MBNL2: variants seen among roughly 807,000 people sequenced by gnomAD.
MBNL2 encodes the protein muscleblind-like protein 2.
In MBNL2, 17 loss-of-function variants were observed where a neutral mutation model predicts 41.9. The ratio of observed to expected loss-of-function variants is 0.41; its 90% confidence interval spans 0.28 to 0.61. The LOEUF (loss-of-function observed/expected upper bound fraction) is 0.61. MBNL2 is among the 20% of genes least tolerant of loss of function. The pLI, the probability that MBNL2 is intolerant of heterozygous loss-of-function variation, is 0.35. For synonymous variants in MBNL2, 195 were observed against 182.9 expected (o/e 1.07, Z -0.53); for missense variants, 336 against 505.6 (o/e 0.66, Z 3.22).
At chr13:97,213,135 G>A in the MBNL2 span, among the ~76,000 whole-genome samples, 1 of 152,184 alleles carries the variant, frequency 6.6e-6, no homozygotes, top group South Asian at 2.1e-4. Context: ...GTAAAGCTAA[G>A]GACCTCAGTC....
the MBNL2 span, among the ~76,000 whole-genome samples, chr13:97,204,272 C>T: frequency 6.6e-6 from 1 of 152,180 alleles, no homozygotes; most frequent in Non-Finnish European, 1.5e-5. Flanking sequence ...GCAGGTGAGG[C>T]GAGGGCTGGG....
chr13:97,194,485 G>T, the MBNL2 span, among the ~76,000 whole-genome samples: 2 of 152,260 alleles, frequency 1.3e-5, no homozygotes, highest in Non-Finnish European at 1.5e-5. Flanking sequence ...ACATCTCTTT[G>T]TATAATCCTG....
chr13:97,292,630 A>G (rs975435600), intron 2 of MBNL2, among the ~76,000 whole-genome samples: 3 of 152,138 alleles, frequency 2.0e-5, no homozygotes, highest in African/African-American at 7.2e-5. Context: ...CATGAAGTTT[A>G]AGCCCACTTC....
chr13:97,330,629 CAA>C (rs1299062355), intron 2 of MBNL2, among the ~76,000 whole-genome samples: 1 of 152,190 alleles, frequency 6.6e-6, no homozygotes, highest in Non-Finnish European at 1.5e-5. Context: ...CAATGATACA[CAA>C]AGACGCTTTA....
At chr13:97,219,722 C>A (rs1177745767), upstream of MBNL2, among the ~76,000 whole-genome samples, 1 of 152,182 alleles carries the variant, frequency 6.6e-6, no homozygotes, top group Non-Finnish European at 1.5e-5. Context: ...AGGACTTCCA[C>A]ATATAAATGT....
intron 1 of MBNL2, among the ~76,000 whole-genome samples, chr13:97,231,395 C>T (rs892647066): frequency 1.3e-5 from 2 of 152,196 alleles, no homozygotes; most frequent in African/African-American, 2.4e-5. Context: ...ATCCAGGAGG[C>T]TCCAGAATAC....
chr13:97,320,502 C>T (rs1237479287), intron 2 of MBNL2, among the ~76,000 whole-genome samples: 1 of 151,872 alleles, frequency 6.6e-6, no homozygotes, highest in Non-Finnish European at 1.5e-5. Flanking sequence ...ATGATCCACC[C>T]ACCTCAGGCT....
the MBNL2 span, among the ~76,000 whole-genome samples, chr13:97,209,237 A>C: frequency 6.6e-6 from 1 of 152,250 alleles, no homozygotes; most frequent in Non-Finnish European, 1.5e-5. Context: ...AGAACCCACC[A>C]AAATTTGCCA....
chr13:97,162,906 G>A, the MBNL2 span, among the ~76,000 whole-genome samples: 2 of 152,208 alleles, frequency 1.3e-5, no homozygotes, highest in Non-Finnish European at 1.5e-5. Flanking sequence ...GATATTTGGG[G>A]AAATGATGGC....
At chr13:97,301,855 T>C (rs931744712) in intron 2 of MBNL2, among the ~76,000 whole-genome samples, 3 of 152,244 alleles carry the variant, frequency 2.0e-5, no homozygotes, top group African/African-American at 7.2e-5. Context: ...TCAGTTGCTC[T>C]GGGTGACTTA....
At chr13:97,172,350 C>G in the MBNL2 span, 1 of 152,186 alleles carries the variant, frequency 6.6e-6, no homozygotes, top group Non-Finnish European at 1.5e-5. Flanking sequence ...TTTAGGGCAG[C>G]ATTCTGATTT....
At chr13:97,251,866 C>T (rs1227535642) in intron 1 of MBNL2, among the ~76,000 whole-genome samples, 2 of 91,198 alleles carry the variant, frequency 2.2e-5, no homozygotes, top group African/African-American at 4.5e-5. Flanking sequence ...TTTTTTGAGA[C>T]GGAGTCTCGC....
chr13:97,242,766 C>T (rs533856148), intron 1 of MBNL2, among the ~76,000 whole-genome samples: 3 of 144,758 alleles, frequency 2.1e-5, no homozygotes, highest in African/African-American at 5.0e-5. Flanking sequence ...TTACTTGTTC[C>T]TTTTTTTTTT....
At chr13:97,164,157 C>G in the MBNL2 span, among the ~76,000 whole-genome samples, 1 of 152,152 alleles carries the variant, frequency 6.6e-6, no homozygotes, top group Admixed American at 6.5e-5. Context: ...TAGGTGTGCA[C>G]CACCATGTCC....
chr13:97,158,692 G>A, the MBNL2 span, among the ~76,000 whole-genome samples: 3,323 of 152,090 alleles, frequency 0.022, 109 homozygotes, highest in African/African-American at 0.076. Context: ...CAGTTTCCAT[G>A]TAGTTGAGCG....
At chr13:97,352,892 A>G (rs775616532) in intron 5 of MBNL2, among the ~76,000 whole-genome samples, 6 of 152,240 alleles carry the variant, frequency 3.9e-5, no homozygotes, top group Admixed American at 6.5e-5. Context: ...TGCAACCAAT[A>G]TATACTTCAG....
Position 97,307,506 on chromosome 13 carries a change from G to A in MBNL2, c.175-26770G>A, listed in dbSNP as rs75182358. Among the ~76,000 whole-genome samples the A allele has an allele frequency of 7.0e-3, 1,057 of 152,074 alleles. 11 individuals carry two copies. The highest frequency in any genetic ancestry group is 0.024 in the African/African-American group (989 of 41,494). On this transcript the variant is annotated intron_variant, in intron 2 of 8. Transcript: ENST00000679496. ...TGGTTACTTTGGAAGCCGACATACC[G>A]TTATATTGGATTTCAGAAAAGTCAA...
chr13:97,197,665 A>G, the MBNL2 span, among the ~76,000 whole-genome samples: 1 of 152,180 alleles, frequency 6.6e-6, no homozygotes, highest in African/African-American at 2.4e-5. Flanking sequence ...TCTTTGATCT[A>G]TGAATGCATT....
At chr13:97,168,719 T>C in the MBNL2 span, among the ~76,000 whole-genome samples, 1 of 152,206 alleles carries the variant, frequency 6.6e-6, no homozygotes, top group Non-Finnish European at 1.5e-5. Flanking sequence ...AAATAATCAC[T>C]CAGGGTCCCA....
Sources: allele counts gnomAD v4.1 joint callset (sites outside exome capture counted in the v4.1 genomes callset), GRCh38; gene constraint gnomAD v4.1.1; transcripts MANE v1.5; gene names NCBI Gene and HGNC (gene_info 2026-07-23, HGNC 2026-07-21).